ZNF787: variants seen among roughly 807,000 people sequenced by gnomAD.
ZNF787 encodes zinc finger protein 787, also known as TTF-I-interacting peptide 20.
In ZNF787, 7 loss-of-function variants were observed where a neutral mutation model predicts 16.9. The ratio of observed to expected loss-of-function variants is 0.42; its 90% CI spans 0.24 to 0.78. The LOEUF (loss-of-function observed/expected upper bound fraction) is 0.78, where lower values mean the gene tolerates loss of function less well. Ranked by LOEUF, ZNF787 falls within the 30% of genes least tolerant of loss-of-function variation. The probability of loss-of-function intolerance (pLI) is 0.30; values close to 1 mark genes in which losing one functional copy is unlikely to be tolerated. For synonymous variants in ZNF787, 345 were observed against 270.9 expected, an observed-to-expected ratio of 1.27 and a Z score of -2.69; for missense variants, 551 against 589.3, an observed-to-expected ratio of 0.94 and a Z score of 0.67.
rs777854462 is a variant in ZNF787 at position 56,089,082 on chromosome 19, G to A, written c.90C>T (p.Leu30=). The A allele has an allele frequency of 2.0e-6, 3 of 1,465,796 alleles. No homozygotes were observed. The highest frequency in any genetic ancestry group is 2.9e-5 in the South Asian group (2 of 68,100). 90.8% of individuals were successfully genotyped at this position (1,465,796 alleles called of 1,614,324 possible). Residue 30 remains leucine, a synonymous_variant, in exon 3 of 3, where the codon CTC becomes CTT. Coordinates refer to ENST00000610935, the MANE Select transcript of ZNF787 (RefSeq NM_001002836.4). ...TGGGGACGTCGTCATCATCCATGAT[G>A]AGGATGTCCACTGGAAAGCAAGAGG... is the stretch of plus-strand genomic sequence containing the variant. ...MASHENPVDI[L]IMDDDDVPSW... is the part of the protein sequence containing the mutation.
chr19:56,091,268 A>G (rs1298064947), intron 2 of ZNF787, among the ~76,000 whole-genome samples: 2 of 152,248 alleles, frequency 1.3e-5, no homozygotes, highest in African/African-American at 4.8e-5. Flanking sequence ...TACGCCTTTA[A>G]TTAAAATAAC....
At chr19:56,103,360 AC>A in intron 1 of ZNF787, 133 bp from the exon 2 acceptor site, 1 of 685,772 alleles carries the variant, frequency 1.5e-6, no homozygotes, top group Non-Finnish European at 2.3e-6. Flanking sequence ...CACAGCACCT[AC>A]CCCAGGACAC....
At chr19:56,117,775 G>A (rs2030180501) in intron 1 of ZNF787, among the ~76,000 whole-genome samples, 1 of 152,214 alleles carries the variant, frequency 6.6e-6, no homozygotes, top group Non-Finnish European at 1.5e-5. Context: ...GCACTTGAGG[G>A]CGGGGCTATT....
chr19:56,094,950 A>T (rs907033054), intron 2 of ZNF787, among the ~76,000 whole-genome samples: 9 of 152,052 alleles, frequency 5.9e-5, no homozygotes, highest in Admixed American at 2.6e-4. Flanking sequence ...ATCTTAACTT[A>T]AAAAAATACA....
chr19:56,115,921 G>A (rs2030123081), intron 1 of ZNF787, among the ~76,000 whole-genome samples: 1 of 152,150 alleles, frequency 6.6e-6, no homozygotes, highest in Non-Finnish European at 1.5e-5. Context: ...TTGTTTAAAA[G>A]ACAAAACAGT....
chr19:56,096,235 A>AT (rs1985863047), intron 2 of ZNF787, among the ~76,000 whole-genome samples: 1 of 14,830 alleles, frequency 6.7e-5, no homozygotes, highest in African/African-American at 2.1e-4. Flanking sequence ...CTCTAAAAAA[A>AT]TAAAAAAAAT....
intron 2 of ZNF787, among the ~76,000 whole-genome samples, chr19:56,092,126 A>G (rs1419525543): frequency 1.3e-5 from 2 of 151,854 alleles, no homozygotes; most frequent in Admixed American, 6.6e-5. Context: ...CCATCTTTAA[A>G]GGGATTCAAC....
chr19:56,099,045 C>A (rs938157637), intron 2 of ZNF787, among the ~76,000 whole-genome samples: 2 of 152,194 alleles, frequency 1.3e-5, no homozygotes, highest in African/African-American at 4.8e-5. Flanking sequence ...GGAGAGAGGC[C>A]ACCCTGGATC....
At chr19:56,090,886 G>C (rs1188437688) in intron 2 of ZNF787, among the ~76,000 whole-genome samples, 2 of 152,216 alleles carry the variant, frequency 1.3e-5, no homozygotes, top group Admixed American at 1.3e-4. Context: ...AAAGTGCCGG[G>C]CCGGGCCTGT....
At chr19:56,089,115 G>A (rs113818010) in intron 2 of ZNF787, 23 bp from the exon 3 acceptor site, 3 of 1,439,990 alleles carry the variant, frequency 2.1e-6, no homozygotes, top group Middle Eastern at 2.2e-4. Flanking sequence ...AGGGTAGGGG[G>A]AGGTGAGTCA....
chr19:56,107,219 G>T (rs1174579487), intron 1 of ZNF787, among the ~76,000 whole-genome samples: 1 of 152,146 alleles, frequency 6.6e-6, no homozygotes, highest in Non-Finnish European at 1.5e-5. Context: ...GAGGCCCAAG[G>T]TCTCTCCGTG....
At chr19:56,107,914 G>A (rs1568532528) in intron 1 of ZNF787, among the ~76,000 whole-genome samples, 1 of 152,114 alleles carries the variant, frequency 6.6e-6, no homozygotes, top group East Asian at 1.9e-4. Flanking sequence ...GGGGGCTGCG[G>A]GAGGGGCTGC....
intron 1 of ZNF787, among the ~76,000 whole-genome samples, chr19:56,115,923 C>T (rs1568536663): frequency 1.3e-5 from 2 of 152,156 alleles, no homozygotes; most frequent in Non-Finnish European, 2.9e-5. Context: ...GTTTAAAAGA[C>T]AAAACAGTCT....
At chr19:56,100,236 A>T (rs1986040199) in intron 2 of ZNF787, among the ~76,000 whole-genome samples, 1 of 152,090 alleles carries the variant, frequency 6.6e-6, no homozygotes, top group African/African-American at 2.4e-5. Context: ...TCCAACCAGC[A>T]TCTCCTGCCT....
At chr19:56,117,534 T>C (rs913232155) in intron 1 of ZNF787, among the ~76,000 whole-genome samples, 1 of 152,050 alleles carries the variant, frequency 6.6e-6, no homozygotes, top group Non-Finnish European at 1.5e-5. Flanking sequence ...GCTGGAGCAA[T>C]GTCACAGAGC....
At chr19:56,107,326 C>T (rs776712583) in intron 1 of ZNF787, among the ~76,000 whole-genome samples, 1 of 152,210 alleles carries the variant, frequency 6.6e-6, no homozygotes, top group Non-Finnish European at 1.5e-5. Flanking sequence ...CACCACTACG[C>T]TCGCCTCAGA....
At chr19:56,105,788 G>T (rs1338697034) in intron 1 of ZNF787, among the ~76,000 whole-genome samples, 1 of 152,146 alleles carries the variant, frequency 6.6e-6, no homozygotes, top group African/African-American at 2.4e-5. Flanking sequence ...ACGATGCAAT[G>T]ATATTTAGTG....
intron 1 of ZNF787, among the ~76,000 whole-genome samples, chr19:56,119,948 G>A (rs8103672): frequency 5.2e-4 from 79 of 152,192 alleles, no homozygotes; most frequent in African/African-American, 1.9e-3. Flanking sequence ...TAAGCACTGC[G>A]CAACATGGGA....
rs76878584 is a variant in ZNF787 at position 56,119,830 on chromosome 19, G to A, written c.-11+1342C>T. Among the ~76,000 whole-genome samples, 1,226 of 152,372 alleles carry A rather than the reference G, an allele frequency of 8.0e-3. 15 individuals carry two copies. Among genetic ancestry groups the A allele is most frequent in the Non-Finnish European group, 0.013 (913 of 68,038 alleles). ...ACTGCGCAGAGGCAGGCAGGTGAAT[G>A]TCAGCAGCGTTTAGCCAAAGAGGCT... On this transcript the variant is annotated intron_variant, in intron 1 of 2. Transcript: ENST00000610935.
Sources: gnomAD v4.1 joint callset for allele counts (sites outside exome capture counted in the v4.1 genomes callset) on GRCh38, gnomAD v4.1.1 for gene constraint, MANE v1.5 for transcripts, NCBI Gene and HGNC (gene_info 2026-07-23, HGNC 2026-07-21) for gene names.